Variants in KIF16B observed in about 807,000 individuals in gnomAD.
KIF16B encodes kinesin-like protein KIF16B.
KIF16B carries 98 observed loss-of-function variants against 156.3 expected under a neutral mutation model. The ratio of observed to expected loss-of-function variants is 0.63; its 90% CI spans 0.53 to 0.74. The LOEUF is 0.74. Among genes scored for constraint, KIF16B ranks in the 30% least tolerant of loss-of-function variants. The pLI, the probability that KIF16B is intolerant of heterozygous loss-of-function variation, is 0.00. For synonymous variants in KIF16B, 564 were observed against 583.7 expected (o/e 0.97, Z 0.49); for missense variants, 1,421 against 1,606.5 (o/e 0.88, Z 1.97).
intron 10 of KIF16B, among the ~76,000 whole-genome samples, chr20:16,497,992 C>G (rs111758788): frequency 6.6e-6 from 1 of 152,182 alleles, no homozygotes; most frequent in Admixed American, 6.5e-5. Flanking sequence ...GGATTCGCCT[C>G]TTTTAATATG....
At chr20:16,505,936 G>A in intron 8 of KIF16B, 83 bp from the exon 9 acceptor site, 1 of 1,604,234 alleles carries the variant, frequency 6.2e-7, no homozygotes, top group Non-Finnish European at 8.5e-7. Flanking sequence ...AAACCTTGAA[G>A]AAATTACCTC....
At chr20:16,282,024 T>C (rs1380604903) in intron 25 of KIF16B, among the ~76,000 whole-genome samples, 1 of 144,738 alleles carries the variant, frequency 6.9e-6, no homozygotes, top group Non-Finnish European at 1.5e-5. Flanking sequence ...TTTTTTCTTT[T>C]TCTGTTTCTT....
At chr20:16,459,507 T>C (rs2146665952) in intron 12 of KIF16B, among the ~76,000 whole-genome samples, 1 of 152,256 alleles carries the variant, frequency 6.6e-6, no homozygotes, top group African/African-American at 2.4e-5. Flanking sequence ...TCTCCCTGGG[T>C]CTCTGAGTCA....
At chr20:16,308,588 CA>C (rs1030438667) in intron 25 of KIF16B, among the ~76,000 whole-genome samples, 3 of 152,242 alleles carry the variant, frequency 2.0e-5, no homozygotes, top group Admixed American at 2.0e-4. Context: ...CTCCCCAAGA[CA>C]TAGGCCTTCA....
chr20:16,370,155 T>C (rs932554553), intron 22 of KIF16B, among the ~76,000 whole-genome samples: 8 of 152,172 alleles, frequency 5.3e-5, no homozygotes, highest in Admixed American at 5.2e-4. Context: ...CATGCCCAAA[T>C]AAACCTTGGT....
In KIF16B at chr20:16,335,914, T is replaced by C; in HGVS notation, c.3711+12A>G. 6.6e-7 allele frequency: 1 copy of C among 1,521,918 alleles called. No homozygotes were observed. Among genetic ancestry groups the C allele is most frequent in the East Asian group, 2.3e-5 (1 of 44,300 alleles). The allele number at this position is 1,521,918 out of a possible 1,614,324, so 94.3% of individuals were successfully genotyped here. On this transcript the variant is annotated intron_variant, in intron 24 of 25. Coordinates refer to ENST00000354981, the MANE Select transcript of KIF16B (RefSeq NM_024704.5). ...AATGCTCTTAATCGGAGATAATAAT[T>C]TCATAACTTACCTCTGCATACTTTA...
chr20:16,337,775 C>T (rs562284941), intron 23 of KIF16B, among the ~76,000 whole-genome samples: 15 of 152,158 alleles, frequency 9.9e-5, no homozygotes, highest in Non-Finnish European at 1.6e-4. Flanking sequence ...CGGCCCACAG[C>T]CCAACAATCC....
chr20:16,323,748 T>G (rs2063803882), intron 24 of KIF16B, among the ~76,000 whole-genome samples: 1 of 151,820 alleles, frequency 6.6e-6, no homozygotes, highest in African/African-American at 2.4e-5. Context: ...ACAGACAGAA[T>G]TCATTGTTGG....
chr20:16,408,907 T>C (rs1345191697), intron 15 of KIF16B, among the ~76,000 whole-genome samples: 2 of 152,150 alleles, frequency 1.3e-5, no homozygotes, highest in East Asian at 3.9e-4. Context: ...TTTTACATGA[T>C]GCCACTGTTC....
At chr20:16,549,542 T>C (rs370389782) in intron 1 of KIF16B, among the ~76,000 whole-genome samples, 1 of 152,136 alleles carries the variant, frequency 6.6e-6, no homozygotes, top group Non-Finnish European at 1.5e-5. Context: ...TTATAGTCCT[T>C]TGGGTATATA....
intron 20 of KIF16B, among the ~76,000 whole-genome samples, chr20:16,372,441 C>T (rs1440929089): frequency 6.6e-6 from 1 of 152,190 alleles, no homozygotes. Flanking sequence ...GAAGCAGTGT[C>T]AACTTATTAT....
intron 23 of KIF16B, among the ~76,000 whole-genome samples, chr20:16,337,633 T>C (rs1373162423): frequency 6.6e-6 from 1 of 152,222 alleles, no homozygotes; most frequent in Non-Finnish European, 1.5e-5. Flanking sequence ...AGCACGTCAC[T>C]TGAGCTTGGG....
intron 22 of KIF16B, among the ~76,000 whole-genome samples, chr20:16,370,138 C>T (rs1476757150): frequency 2.0e-5 from 3 of 152,158 alleles, no homozygotes; most frequent in Non-Finnish European, 4.4e-5. Context: ...TGAAACCTTA[C>T]AAATTGCATG....
intron 25 of KIF16B, among the ~76,000 whole-genome samples, chr20:16,309,995 T>C (rs559095280): frequency 6.6e-6 from 1 of 152,310 alleles, no homozygotes; most frequent in Non-Finnish European, 1.5e-5. Flanking sequence ...GGAAAATAAC[T>C]AAGTTGATTT....
intron 23 of KIF16B, among the ~76,000 whole-genome samples, chr20:16,338,719 TAAC>T (rs2064085928): frequency 6.6e-6 from 1 of 152,126 alleles, no homozygotes; most frequent in South Asian, 2.1e-4. Context: ...GGCTGAGGAA[TAAC>T]ACGCCACCAA....
chr20:16,388,879 C>T (rs967280876), intron 17 of KIF16B, among the ~76,000 whole-genome samples: 14 of 152,062 alleles, frequency 9.2e-5, no homozygotes, highest in Non-Finnish European at 1.3e-4. Flanking sequence ...CATGGTGATT[C>T]GTGTTGTACC....
intron 1 of KIF16B, among the ~76,000 whole-genome samples, chr20:16,550,496 C>G (rs113286874): frequency 0.056 from 8,520 of 151,192 alleles, 304 homozygotes; most frequent in Admixed American, 0.085. Context: ...TTTTTTTCCC[C>G]CTAGAGAGCT....
chr20:16,486,842 G>C (rs1283577030), intron 12 of KIF16B, among the ~76,000 whole-genome samples: 1 of 152,148 alleles, frequency 6.6e-6, no homozygotes, highest in Admixed American at 6.5e-5. Flanking sequence ...GGTAACCCAT[G>C]GCTGAAAGAA....
intron 23 of KIF16B, among the ~76,000 whole-genome samples, chr20:16,340,000 T>C (rs1250040598): frequency 6.6e-6 from 1 of 152,178 alleles, no homozygotes; most frequent in Non-Finnish European, 1.5e-5. Flanking sequence ...ATATGAAGCA[T>C]CCTCATAACA....
Sources: allele counts gnomAD v4.1 joint callset (sites outside exome capture counted in the v4.1 genomes callset), GRCh38; gene constraint gnomAD v4.1.1; transcripts MANE v1.5; gene names NCBI Gene and HGNC (gene_info 2026-07-23, HGNC 2026-07-21).